Variants in SRFBP1 observed in about 807,000 individuals in gnomAD.
SRFBP1 encodes serum response factor-binding protein 1.
SRFBP1 carries 47 observed loss-of-function variants against 45.5 expected under a neutral mutation model. The observed-to-expected ratio is 1.03, with a 90% CI of 0.82 to 1.32. The LOEUF is 1.32. Among genes scored for constraint, SRFBP1 ranks in the 40% most tolerant of loss-of-function variants. SRFBP1 has a pLI of 0.00. For synonymous variants in SRFBP1, 203 were observed against 166.3 expected (o/e 1.22, Z -1.70); for missense variants, 621 against 484.6 (o/e 1.28, Z -2.64).
At chr5:122,074,507 C>T (rs902208989) in intron 2 of SRFBP1, among the ~76,000 whole-genome samples, 5 of 152,120 alleles carry the variant, frequency 3.3e-5, no homozygotes, top group African/African-American at 9.7e-5. Flanking sequence ...AGTGTATTCC[C>T]CTTGGCTGCC....
At chr5:122,022,608 A>G (rs1157049245) in intron 7 of SRFBP1, among the ~76,000 whole-genome samples, 2 of 152,216 alleles carry the variant, frequency 1.3e-5, no homozygotes, top group Admixed American at 6.5e-5. Flanking sequence ...AGGGAAAGAT[A>G]TAGACAAAAT....
intron 2 of SRFBP1, among the ~76,000 whole-genome samples, chr5:122,067,403 GTACAT>G (rs2152585292): frequency 6.6e-6 from 1 of 152,178 alleles, no homozygotes; most frequent in South Asian, 2.1e-4. Context: ...AGGAGAGAGG[GTACAT>G]TAACAGCACA....
downstream of SRFBP1, among the ~76,000 whole-genome samples, chr5:122,029,958 C>G (rs1337264658): frequency 1.3e-5 from 2 of 152,094 alleles, no homozygotes; most frequent in East Asian, 3.9e-4. Context: ...AATTGATTAC[C>G]ATTATCGAGG....
At chr5:122,012,815 A>G (rs1179194672) in intron 4 of SRFBP1, among the ~76,000 whole-genome samples, 1 of 152,152 alleles carries the variant, frequency 6.6e-6, no homozygotes, top group African/African-American at 2.4e-5. Context: ...ACTTGAACAT[A>G]ACTTGTGCCT....
At chr5:121,987,399 A>G (rs1003225942) in intron 3 of SRFBP1, among the ~76,000 whole-genome samples, 1 of 152,182 alleles carries the variant, frequency 6.6e-6, no homozygotes, top group Non-Finnish European at 1.5e-5. Context: ...ATATGATGAT[A>G]GAGTATAACT....
chr5:121,974,937 G>A (rs531979814), intron 2 of SRFBP1, among the ~76,000 whole-genome samples: 1 of 151,796 alleles, frequency 6.6e-6, no homozygotes, highest in Non-Finnish European at 1.5e-5. Flanking sequence ...ATGCCAGAGA[G>A]CAAATTTTCA....
At chr5:121,993,959 C>T (rs6877009) in intron 3 of SRFBP1, among the ~76,000 whole-genome samples, 12,534 of 151,758 alleles carry the variant, frequency 0.083, 821 homozygotes, top group African/African-American at 0.18. Flanking sequence ...TTGATGGAGC[C>T]TACTGTTACT....
intron 7 of SRFBP1, 92 bp downstream of exon 7, chr5:122,022,499 CTGAA>C (rs1402951582): frequency 9.6e-7 from 1 of 1,039,504 alleles, no homozygotes; most frequent in Non-Finnish European, 1.4e-6. Context: ...TTAATATAGC[CTGAA>C]TGAATTATGT....
chr5:122,035,046 T>G (rs78652306), intron 2 of SRFBP1, among the ~76,000 whole-genome samples: 2,640 of 152,148 alleles, frequency 0.017, 43 homozygotes, highest in African/African-American at 0.04. Flanking sequence ...AGGTTTTTTT[T>G]TTGTTGTTGT....
chr5:122,006,058 T>C (rs950049055), intron 4 of SRFBP1, among the ~76,000 whole-genome samples: 8 of 152,212 alleles, frequency 5.3e-5, no homozygotes, highest in Non-Finnish European at 1.0e-4. Flanking sequence ...GAACTCCCTT[T>C]ATCATTTCTT....
intron 3 of SRFBP1, among the ~76,000 whole-genome samples, chr5:121,982,710 G>A (rs974086425): frequency 5.9e-5 from 9 of 151,872 alleles, no homozygotes; most frequent in African/African-American, 2.2e-4. Context: ...ATAAGGAACT[G>A]ATTCTAAGGA....
intron 4 of SRFBP1, among the ~76,000 whole-genome samples, chr5:122,005,640 A>G (rs369460508): frequency 1.6e-4 from 24 of 152,078 alleles, no homozygotes; most frequent in African/African-American, 4.6e-4. Flanking sequence ...AATTTAATCT[A>G]TTGACATTCA....
At chr5:121,974,917 T>G (rs1448060851) in intron 2 of SRFBP1, among the ~76,000 whole-genome samples, 1 of 151,884 alleles carries the variant, frequency 6.6e-6, no homozygotes, top group South Asian at 2.1e-4. Context: ...CTTCTTTATT[T>G]TTTCCTTAAA....
At chr5:121,981,755 A>G (rs1450204783) in intron 3 of SRFBP1, among the ~76,000 whole-genome samples, 1 of 151,974 alleles carries the variant, frequency 6.6e-6, no homozygotes, top group Admixed American at 6.6e-5. Flanking sequence ...CAGAAGAAGT[A>G]CTTACCTACT....
chr5:122,072,801 A>T (rs567322434), intron 2 of SRFBP1, among the ~76,000 whole-genome samples: 1 of 152,360 alleles, frequency 6.6e-6, no homozygotes, highest in Admixed American at 6.5e-5. Context: ...AAGGGGGGGA[A>T]CCAGAAGTGC....
intron 4 of SRFBP1, among the ~76,000 whole-genome samples, chr5:122,014,903 G>T (rs1174341520): frequency 6.6e-6 from 1 of 152,152 alleles, no homozygotes; most frequent in East Asian, 1.9e-4. Context: ...GTCAAAACAG[G>T]GATTTGGAAA....
At chr5:122,031,743 C>T (rs138186790), downstream of SRFBP1, among the ~76,000 whole-genome samples, 135 of 152,260 alleles carry the variant, frequency 8.9e-4, 2 homozygotes, top group African/African-American at 3.2e-3. Context: ...CCCAGATATC[C>T]ATCATCTGAT....
intron 3 of SRFBP1, among the ~76,000 whole-genome samples, chr5:121,988,498 A>G (rs1580509243): frequency 6.6e-6 from 1 of 152,352 alleles, no homozygotes; most frequent in East Asian, 1.9e-4. Context: ...TCTAGGTGGC[A>G]TCTCTCAGTG....
chr5:122,075,256 A>C, intron 2 of SRFBP1: 1 of 662,798 alleles, frequency 1.5e-6, no homozygotes. Context: ...TAGATGGGTT[A>C]TGTGAAATTA....
Sources: gnomAD v4.1 joint callset for allele counts (sites outside exome capture counted in the v4.1 genomes callset) on GRCh38, gnomAD v4.1.1 for gene constraint, MANE v1.5 for transcripts, NCBI Gene and HGNC (gene_info 2026-07-23, HGNC 2026-07-21) for gene names.